The following BNIP2 variants were observed in gnomAD, a reference collection of about 807,000 sequenced individuals.
BNIP2 encodes the protein BCL2/adenovirus E1B 19 kDa protein-interacting protein 2.
In BNIP2, 36 loss-of-function variants were observed where a neutral mutation model predicts 43.4. The ratio of observed to expected loss-of-function variants is 0.83; its 90% CI spans 0.64 to 1.10. BNIP2 has a LOEUF of 1.10. Ranked by LOEUF, BNIP2 falls within the 50% of genes least tolerant of loss-of-function variation. The pLI, the probability that BNIP2 is intolerant of heterozygous loss-of-function variation, is 0.00. For missense variants in BNIP2, 417 were observed against 374.1 expected, an observed-to-expected ratio of 1.11 and a Z score of -0.95; for synonymous variants, 146 against 121.0, an observed-to-expected ratio of 1.21 and a Z score of -1.35.
At chr15:59,666,385 G>A (rs760764611) in intron 9 of BNIP2, among the ~76,000 whole-genome samples, 1 of 152,126 alleles carries the variant, frequency 6.6e-6, no homozygotes, top group Non-Finnish European at 1.5e-5. Flanking sequence ...GTTTGGTTTA[G>A]GCTGGGCGTG....
chr15:59,681,834 A>T (rs1893694905), intron 2 of BNIP2, among the ~76,000 whole-genome samples: 1 of 152,206 alleles, frequency 6.6e-6, no homozygotes, highest in Non-Finnish European at 1.5e-5. Context: ...AACAAAAACA[A>T]AACAAAACAA....
intron 1 of BNIP2, among the ~76,000 whole-genome samples, chr15:59,686,529 G>C (rs1894023949): frequency 6.6e-6 from 1 of 152,186 alleles, no homozygotes; most frequent in South Asian, 2.1e-4. Flanking sequence ...TAGGCAGATG[G>C]AAACGCCCGG....
rs6151436 is a variant in BNIP2, at chr15:59,688,714, C to T, written c.-58+421G>A. The T allele has an allele frequency of 2.9e-5, 44 of 1,535,588 alleles. No individual in the cohort carries two copies. In the African/African-American group the frequency reaches 5.6e-4, roughly 20 times the overall value. Reference sequence around the variant, plus strand: ...TTATGCTGCTTCCGTGTCTATTCCCCGCGGTTACGAGGCATACCAGAAGTC... The same window carrying T: ...TTATGCTGCTTCCGTGTCTATTCCCTGCGGTTACGAGGCATACCAGAAGTC... On this transcript the variant is annotated intron_variant, in intron 1 of 9. Coordinates refer to ENST00000607373, the MANE Select transcript of BNIP2 (RefSeq NM_004330.4).
intron 6 of BNIP2, among the ~76,000 whole-genome samples, chr15:59,671,547 G>A (rs986560321): frequency 1.3e-5 from 2 of 152,164 alleles, no homozygotes; most frequent in Admixed American, 6.5e-5. Flanking sequence ...CTTGTAAACT[G>A]GGGGTTAGAA....
intron 6 of BNIP2, among the ~76,000 whole-genome samples, chr15:59,671,630 C>T (rs1165921754): frequency 1.3e-5 from 2 of 152,052 alleles, no homozygotes; most frequent in African/African-American, 2.4e-5. Flanking sequence ...TCTCTTTACC[C>T]CTGTGTATGT....
chr15:59,663,085 G>C lies in BNIP2; in HGVS notation c.*984C>G, dbSNP rs746476426. On this transcript the variant is annotated 3_prime_UTR_variant, in exon 10 of 10. Transcript: ENST00000607373. ...CTACCGAGTTCAAATAATTGATATG[G>C]AAGTATTTTGGTAAAGTGCCCATAG... 6.6e-6 allele frequency: 1 copy of C among 152,602 alleles called. No homozygotes were observed. The highest frequency in any genetic ancestry group is 1.5e-5 in the Non-Finnish European group (1 of 68,034). The allele number at this position is 152,602 out of a possible 1,614,324, so 9.5% of individuals were successfully genotyped here.
At chr15:59,668,637 A>G in intron 9 of BNIP2, 3 of 386,850 alleles carry the variant, frequency 7.8e-6, no homozygotes, top group Non-Finnish European at 1.4e-5. Flanking sequence ...GTAGTCTATA[A>G]AAGTATAACA....
chr15:59,672,788 G>A (rs6151535), intron 5 of BNIP2, 49 bp from the exon 6 acceptor site: 486,634 of 1,398,626 alleles, frequency 0.35, 86,743 homozygotes, highest in East Asian at 0.54. Context: ...TTACTCTTAG[G>A]CATTTTTAGA....
At chr15:59,669,440 A>C in intron 7 of BNIP2, 78 bp from the exon 8 acceptor site, 1 of 1,056,632 alleles carries the variant, frequency 9.5e-7, no homozygotes, top group Non-Finnish European at 1.3e-6. Flanking sequence ...AAGTTTATAC[A>C]AAATAATAGT....
Position 59,682,402 on chromosome 15 carries a change from G to A in BNIP2, c.50+6C>T, listed in dbSNP as rs1893743327. Reference sequence around the variant, plus strand: ...AAAATTGTTTTCTTTTAAAAGCATTGCTCACATCGGAAAATCTTCATCTTG... The same window carrying A: ...AAAATTGTTTTCTTTTAAAAGCATTACTCACATCGGAAAATCTTCATCTTG... On this transcript the variant is annotated splice_donor_region_variant and intron_variant, in intron 2 of 9. Coordinates refer to ENST00000607373, the MANE Select transcript of BNIP2 (RefSeq NM_004330.4). 6.2e-7 allele frequency: 1 copy of A among 1,606,414 alleles called. No individual in the cohort carries two copies. The highest frequency in any genetic ancestry group is 8.5e-7 in the Non-Finnish European group (1 of 1,176,688).
chr15:59,679,521 G>C, intron 4 of BNIP2, 71 bp downstream of exon 4: 3 of 1,433,514 alleles, frequency 2.1e-6, no homozygotes, highest in South Asian at 1.3e-5. Flanking sequence ...ACTTTAGAAA[G>C]AATGATGTAT....
At chr15:59,687,146 A>G (rs1335215649) in intron 1 of BNIP2, among the ~76,000 whole-genome samples, 4 of 152,252 alleles carry the variant, frequency 2.6e-5, no homozygotes, top group Non-Finnish European at 5.9e-5. Flanking sequence ...AGTTACATTT[A>G]TTGTCACTAT....
chr15:59,682,589 A>AT, intron 1 of BNIP2, 75 bp from the exon 2 acceptor site: 1 of 1,102,824 alleles, frequency 9.1e-7, no homozygotes, highest in Non-Finnish European at 1.3e-6. Context: ...ATAATCTTAT[A>AT]TATTAGTTCA....
chr15:59,688,966 C>G, intron 1 of BNIP2, 169 bp downstream of exon 1: 1 of 1,441,350 alleles, frequency 6.9e-7, no homozygotes. Context: ...GGGCGGGGAT[C>G]CAGGAAGCAC....
chr15:59,688,944 G>A (rs986024487), intron 1 of BNIP2, 191 bp downstream of exon 1: 6 of 1,449,798 alleles, frequency 4.1e-6, no homozygotes, highest in Admixed American at 2.7e-5. Flanking sequence ...GCCAAGGGCG[G>A]GGACCTAAGC....
Position 59,689,188 on chromosome 15 carries a change from T to G in BNIP2, c.-111A>C. The stretch of plus-strand genomic sequence containing the variant: ...TCTTCGCCCCTCCAGGCCGGCGACG[T>G]GGGGCTGACGGCCAGGTCGCAAAAA... On this transcript the variant is annotated 5_prime_UTR_variant, in exon 1 of 10. Coordinates refer to ENST00000607373, the MANE Select transcript of BNIP2 (RefSeq NM_004330.4). The G allele has an allele frequency of 6.5e-7, 1 of 1,539,124 alleles. No individual in the cohort carries two copies. The highest frequency in any genetic ancestry group is 1.2e-5 in the South Asian group (1 of 83,994).
chr15:59,682,892 T>C (rs1228338495), intron 1 of BNIP2, among the ~76,000 whole-genome samples: 1 of 152,208 alleles, frequency 6.6e-6, no homozygotes, highest in East Asian at 1.9e-4. Flanking sequence ...TTCTGTCCCT[T>C]GGATAGAGGT....
At chr15:59,672,817 T>C in intron 5 of BNIP2, 78 bp from the exon 6 acceptor site, 2 of 965,822 alleles carry the variant, frequency 2.1e-6, no homozygotes, top group Non-Finnish European at 3.2e-6. Flanking sequence ...GTATGATTAG[T>C]AAATTATAAA....
chr15:59,679,205 C>G (rs1326964500), intron 4 of BNIP2: 1 of 184,030 alleles, frequency 5.4e-6, no homozygotes, highest in African/African-American at 2.4e-5. Flanking sequence ...TTAAGTTGGT[C>G]ATTTCACAAA....
Sources: gnomAD v4.1 joint callset for allele counts (sites outside exome capture counted in the v4.1 genomes callset) on GRCh38, gnomAD v4.1.1 for gene constraint, MANE v1.5 for transcripts, NCBI Gene and HGNC (gene_info 2026-07-23, HGNC 2026-07-21) for gene names.